GSTK1: variants seen among roughly 807,000 people sequenced by gnomAD.
GSTK1 encodes glutathione S-transferase kappa 1.
Under a neutral mutation model 30.9 loss-of-function variants are expected in GSTK1, and 25 were observed. The ratio of observed to expected loss-of-function variants is 0.81; its 90% confidence interval spans 0.59 to 1.13. GSTK1 has a LOEUF of 1.13. Ranked by LOEUF, GSTK1 falls within the 50% of genes most tolerant of loss-of-function variation. The pLI, the probability that GSTK1 is intolerant of heterozygous loss-of-function variation, is 0.00. For missense variants in GSTK1, 292 were observed against 292.4 expected, an observed-to-expected ratio of 1.00 and a Z score of 0.01; for synonymous variants, 108 against 112.5, an observed-to-expected ratio of 0.96 and a Z score of 0.25.
chr7:143,264,143 A>G lies in GSTK1; in HGVS notation c.130A>G (p.Ile44Val), dbSNP rs1800799508. 3 of 1,613,850 alleles carry G rather than the reference A, an allele frequency of 1.9e-6. No individual in the cohort carries two copies. Among genetic ancestry groups the G allele is most frequent in the Non-Finnish European group, 2.5e-6 (3 of 1,179,920 alleles). ...CAACCTGCAGTTGCGGCCCAGCCTCATAACAGGGATCATGAAAGACAGTGG... is the reference window on the plus strand; with the variant it reads ...CAACCTGCAGTTGCGGCCCAGCCTCGTAACAGGGATCATGAAAGACAGTGG... Reference protein sequence around the residue: ...NINLQLRPSLITGIMKDSGNK... With the variant: ...NINLQLRPSLVTGIMKDSGNK... The change falls in exon 2 of 8, where the codon ATA becomes GTA. Residue 44 changes from isoleucine (I) to valine (V), a missense_variant. Transcript: ENST00000358406.
In GSTK1 at chr7:143,264,515, T is replaced by C. The variant is rs774613697; in HGVS notation, c.155-33T>C. On this transcript the variant is annotated intron_variant, in intron 2 of 7. Transcript: ENST00000358406. ...CCAAACCTGGGACCCTTAGGTCTTTTCTCACTTAGCGTGCCCAACCTTCTC... is the reference window on the plus strand; with the variant it reads ...CCAAACCTGGGACCCTTAGGTCTTTCCTCACTTAGCGTGCCCAACCTTCTC... 55 of 1,612,888 alleles carry C rather than the reference T, an allele frequency of 3.4e-5. No homozygotes were observed. The Middle Eastern group carries it at 6.6e-4, about 19-fold the overall frequency.
chr7:143,266,653 C>CTTTTTTTTTTTTTTTTTT (rs35527374), intron 5 of GSTK1, among the ~76,000 whole-genome samples: 19 of 63,322 alleles, frequency 3.0e-4, no homozygotes, highest in Non-Finnish European at 5.0e-4. Flanking sequence ...TTCTTTCTTT[C>CTTTTTTTTTTTTTTTTTT]TTTTTTTTTT....
intron 1 of GSTK1, 62 bp downstream of exon 1, chr7:143,263,647 C>A: frequency 6.8e-7 from 1 of 1,473,030 alleles, no homozygotes; most frequent in Non-Finnish European, 9.4e-7. Context: ...GAAGAGTGAG[C>A]GCAGGGCTCC....
In GSTK1 at chr7:143,264,151, G is replaced by GA; in HGVS notation, c.139dup (p.Ile47AsnfsTer23). On this transcript the variant is annotated frameshift_variant, in exon 2 of 8. Transcript: ENST00000358406. LOFTEE classifies it high-confidence loss of function. ...AGTTGCGGCCCAGCCTCATAACAGG[G>GA]ATCATGAAAGACAGTGGTAGGAAGG... The GA allele has an allele frequency of 6.2e-7, 1 of 1,613,884 alleles. No individual in the cohort carries two copies. Among genetic ancestry groups the GA allele is most frequent in the Non-Finnish European group, 8.5e-7 (1 of 1,179,828 alleles).
intron 6 of GSTK1, 106 bp downstream of exon 6, chr7:143,267,839 G>A (rs979410513): frequency 7.3e-6 from 6 of 818,306 alleles, no homozygotes; most frequent in Non-Finnish European, 1.2e-5. Flanking sequence ...CCCTTTCCAA[G>A]TGTTCTCCTC....
chr7:143,266,977 C>A (rs1800898460), intron 5 of GSTK1, among the ~76,000 whole-genome samples: 2 of 152,058 alleles, frequency 1.3e-5, no homozygotes, highest in Admixed American at 1.3e-4. Flanking sequence ...TAAGGGATGA[C>A]CTCACGTGGA....
chr7:143,269,102 C>A lies in GSTK1; in HGVS notation c.*265C>A, dbSNP rs1226161100. The A allele has an allele frequency of 1.6e-5, 8 of 508,310 alleles. No individual in the cohort carries two copies. Among genetic ancestry groups the A allele is most frequent in the Non-Finnish European group, 2.5e-5 (7 of 280,006 alleles). The allele number at this position is 508,310 out of a possible 1,614,324, so 31.5% of individuals were successfully genotyped here. A position where few individuals can be genotyped will look rare whatever the true frequency, so the allele number is the denominator to read the frequency against. ...CTTTCCCACAAAATAAACCTAATGC[C>A]ATCAGGCAAAACATTTCTGTGTCTG... On this transcript the variant is annotated 3_prime_UTR_variant, in exon 8 of 8. Coordinates refer to ENST00000358406, the MANE Select transcript of GSTK1 (RefSeq NM_015917.3).
At position 143,265,098 on chromosome 7, in the gene GSTK1, T is replaced by C; in HGVS notation, c.384+6T>C. The C allele has an allele frequency of 6.2e-7, 1 of 1,613,826 alleles. No individual in the cohort carries two copies. Among genetic ancestry groups the C allele is most frequent in the Non-Finnish European group, 8.5e-7 (1 of 1,179,962 alleles). ...GGATGCGCGTCTGGTCAAGGGTGAG[T>C]GTGGGGCTCTGGGAATCCTCTGGGA... On this transcript the variant is annotated splice_donor_region_variant and intron_variant, in intron 4 of 7. Transcript: ENST00000358406.
intron 5 of GSTK1, among the ~76,000 whole-genome samples, chr7:143,265,499 G>T (rs1304207762): frequency 6.6e-6 from 1 of 152,132 alleles, no homozygotes; most frequent in Non-Finnish European, 1.5e-5. Context: ...GGTTGAAAGG[G>T]GAAGTGCAAA....
Position 143,266,829 on chromosome 7 carries a change from T to A in GSTK1, c.421-788T>A, listed in dbSNP as rs534489095. 1.3e-4 allele frequency among the ~76,000 whole-genome samples: 19 copies of A among 151,904 alleles called. No homozygotes were observed. In the East Asian group the frequency reaches 1.9e-3, roughly 16 times the overall value. On this transcript the variant is annotated intron_variant, in intron 5 of 7. Coordinates refer to ENST00000358406, the MANE Select transcript of GSTK1 (RefSeq NM_015917.3). Reference sequence around the variant, plus strand: ...GCATGTGCCACCATGCCTAATTTTTTAAAAATTTTTTGTAGAGATGGGGGT... The same window carrying A: ...GCATGTGCCACCATGCCTAATTTTTAAAAAATTTTTTGTAGAGATGGGGGT...
Position 143,265,609 on chromosome 7 carries a change from A to G in GSTK1, c.420+313A>G, listed in dbSNP as rs563097947. Among the ~76,000 whole-genome samples the G allele has an allele frequency of 2.6e-5, 4 of 152,308 alleles. No individual in the cohort carries two copies. In the South Asian group the frequency reaches 8.3e-4, roughly 32 times the overall value. ...GGATGGGGAGGGATATAGTATTCAC[A>G]AGTCTCCACAAACTCCAACACAAAC... is the stretch of plus-strand genomic sequence containing the variant. On this transcript the variant is annotated intron_variant, in intron 5 of 7. Coordinates refer to ENST00000358406, the MANE Select transcript of GSTK1 (RefSeq NM_015917.3).
intron 3 of GSTK1, 61 bp from the exon 4 acceptor site, chr7:143,264,931 C>T: frequency 6.5e-7 from 1 of 1,542,814 alleles, no homozygotes; most frequent in Non-Finnish European, 8.9e-7. Flanking sequence ...CAAGGAAGAG[C>T]TAGTCCTCCA....
In GSTK1 at chr7:143,269,048, C is replaced by G. The variant is rs1465516811; in HGVS notation, c.*211C>G. 1.7e-6 allele frequency: 1 copy of G among 588,570 alleles called. No homozygotes were observed. The highest frequency in any genetic ancestry group is 3.0e-6 in the Non-Finnish European group (1 of 329,702). The allele number at this position is 588,570 out of a possible 1,614,324, so 36.5% of individuals were successfully genotyped here. A position where few individuals can be genotyped will look rare whatever the true frequency, so the allele number is the denominator to read the frequency against. On this transcript the variant is annotated 3_prime_UTR_variant, in exon 8 of 8. Transcript: ENST00000358406. ...TGGCAACCTTTACTTCTATGCCTCA[C>G]AAGTGCCTTTCAGAGAGCCCCAATT...
At chr7:143,266,941 T>G (rs1013480164) in intron 5 of GSTK1, among the ~76,000 whole-genome samples, 1 of 152,134 alleles carries the variant, frequency 6.6e-6, no homozygotes, top group African/African-American at 2.4e-5. Context: ...ATTACAGGCA[T>G]GAGCCACAGT....
chr7:143,268,882 A>G lies in GSTK1; in HGVS notation c.*45A>G, dbSNP rs950551458. 2 of 1,531,982 alleles carry G rather than the reference A, an allele frequency of 1.3e-6. No individual in the cohort carries two copies. The highest frequency in any genetic ancestry group is 2.2e-5 in the East Asian group (1 of 44,466). 94.9% of individuals were successfully genotyped at this position (1,531,982 alleles called of 1,614,324 possible). Reference sequence around the variant, plus strand: ...ACTCTTCGTATAAAAAAAGCAGGCCATCTGCTTAACCCTTGGCTCCACCAT... The same window carrying G: ...ACTCTTCGTATAAAAAAAGCAGGCCGTCTGCTTAACCCTTGGCTCCACCAT... On this transcript the variant is annotated 3_prime_UTR_variant, in exon 8 of 8. Coordinates refer to ENST00000358406, the MANE Select transcript of GSTK1 (RefSeq NM_015917.3). This position sits in a 1 kb window ranked among gnomAD's most constrained non-coding sequence, Gnocchi z 4.1.
At chr7:143,264,442 G>T in intron 2 of GSTK1, 106 bp from the exon 3 acceptor site, 3 of 1,179,140 alleles carry the variant, frequency 2.5e-6, no homozygotes, top group Non-Finnish European at 3.6e-6. Context: ...GAAACAACAA[G>T]AGAAAAAAAA....
rs1366811999 is a variant in GSTK1 at position 143,265,112 on chromosome 7, A to G, written c.384+20A>G. ...TCAAGGGTGAGTGTGGGGCTCTGGG[A>G]ATCCTCTGGGAGGACCTTGGATGAC... is the stretch of plus-strand genomic sequence containing the variant. On this transcript the variant is annotated intron_variant, in intron 4 of 7. Transcript: ENST00000358406. 12 of 1,613,922 alleles carry G rather than the reference A, an allele frequency of 7.4e-6. No individual in the cohort carries two copies. The highest frequency in any genetic ancestry group is 1.0e-5 in the Non-Finnish European group (12 of 1,180,006).
At position 143,264,548 on chromosome 7, in the gene GSTK1, G is replaced by A. The variant is rs758272158; in HGVS notation, c.155G>A (p.Gly52Glu). The stretch of plus-strand genomic sequence containing the variant: ...AGCGTGCCCAACCTTCTCCTGGCAG[G>A]AAACAAGCCTCCAGGTCTGCTTCCC... ...SLITGIMKDS[G>E]NKPPGLLPRK... Residue 52 changes from glycine (G) to glutamate (E), a missense_variant and splice_region_variant, in exon 3 of 8, where the codon GGA becomes GAA. By Grantham distance (98) the Gly-to-Glu change is moderately conservative. Transcript: ENST00000358406. 1 of 1,613,928 alleles carries A rather than the reference G, an allele frequency of 6.2e-7. No individual in the cohort carries two copies. Among genetic ancestry groups the A allele is most frequent in the Admixed American group, 1.7e-5 (1 of 60,016 alleles).
At position 143,265,038 on chromosome 7, in the gene GSTK1, T is replaced by C. The variant is rs759573720; in HGVS notation, c.330T>C (p.His110=). Residue 110 remains histidine (H), a synonymous_variant, in exon 4 of 8, where the codon CAT becomes CAC. Coordinates refer to ENST00000358406, the MANE Select transcript of GSTK1 (RefSeq NM_015917.3). Reference sequence around the variant, plus strand: ...TCCTCACCGCCGTGAACTTGGAGCATCCAGAGATGCTGGAGAAAGCGTCCC... The same window carrying C: ...TCCTCACCGCCGTGAACTTGGAGCACCCAGAGATGCTGGAGAAAGCGTCCC... ...MRFLTAVNLE[H]PEMLEKASRE... is the part of the protein sequence containing the mutation. The C allele has an allele frequency of 6.2e-7, 1 of 1,613,996 alleles. No homozygotes were observed.
Sources: gnomAD v4.1 joint callset for allele counts (sites outside exome capture counted in the v4.1 genomes callset) on GRCh38, gnomAD v4.1.1 for gene constraint, Gnocchi (gnomAD v3.1) non-coding constraint, MANE v1.5 for transcripts, NCBI Gene and HGNC (gene_info 2026-07-23, HGNC 2026-07-21) for gene names.